The following RC3H1 variants were observed in gnomAD, a reference collection of about 807,000 sequenced individuals.
The protein encoded by RC3H1 is ring finger and CCCH-type domains 1.
RC3H1 carries 50 observed loss-of-function variants against 138.2 expected under a neutral mutation model. The observed-to-expected ratio is 0.36, with a 90% CI of 0.29 to 0.46. The LOEUF is 0.46. Among genes scored for constraint, RC3H1 ranks in the 20% least tolerant of loss-of-function variants. The pLI, the probability that RC3H1 is intolerant of heterozygous loss-of-function variation, is 1.00. For missense variants in RC3H1, 1,031 were observed against 1,388.1 expected, an observed-to-expected ratio of 0.74 and a Z score of 4.09; for synonymous variants, 462 against 489.1, an observed-to-expected ratio of 0.94 and a Z score of 0.73.
intron 1 of RC3H1, among the ~76,000 whole-genome samples, chr1:174,014,112 C>A (rs1478490656): frequency 1.3e-5 from 2 of 152,106 alleles, no homozygotes; most frequent in Non-Finnish European, 2.9e-5. Flanking sequence ...GTCAATGAAA[C>A]CATTCTGCAC....
chr1:173,987,098 C>CA (rs1661058664), intron 2 of RC3H1, among the ~76,000 whole-genome samples: 1 of 152,286 alleles, frequency 6.6e-6, no homozygotes, highest in East Asian at 1.9e-4. Context: ...ACCACCAACA[C>CA]AACTTATTAT....
chr1:173,947,269 G>T, intron 15 of RC3H1, 100 bp downstream of exon 15: 2 of 802,250 alleles, frequency 2.5e-6, no homozygotes, highest in Admixed American at 2.3e-5. Context: ...TTACTGCCTT[G>T]CAAGATTACT....
intron 2 of RC3H1, among the ~76,000 whole-genome samples, chr1:173,988,941 A>C (rs1482302182): frequency 6.6e-6 from 1 of 152,222 alleles, no homozygotes; most frequent in Non-Finnish European, 1.5e-5. Flanking sequence ...TCTACATATA[A>C]GTCTTTATCA....
At chr1:173,999,637 A>C (rs1412691527) in intron 1 of RC3H1, among the ~76,000 whole-genome samples, 6 of 152,242 alleles carry the variant, frequency 3.9e-5, no homozygotes, top group Non-Finnish European at 5.9e-5. Context: ...ATGCATCTGG[A>C]AAGACGTAGA....
At chr1:174,021,215 C>T (rs987380192) in intron 1 of RC3H1, among the ~76,000 whole-genome samples, 1 of 152,146 alleles carries the variant, frequency 6.6e-6, no homozygotes, top group African/African-American at 2.4e-5. Context: ...TAATTCAAAA[C>T]GCCTAGCTGG....
At chr1:173,973,137 C>A (rs939492794) in intron 7 of RC3H1, among the ~76,000 whole-genome samples, 4 of 152,156 alleles carry the variant, frequency 2.6e-5, no homozygotes. Context: ...ATTGCTCAGA[C>A]CAACACTGTG....
At chr1:173,958,189 T>A (rs1246120549) in intron 13 of RC3H1, among the ~76,000 whole-genome samples, 3 of 151,822 alleles carry the variant, frequency 2.0e-5, no homozygotes, top group East Asian at 1.9e-4. Context: ...AAAAAAAAAA[T>A]ACAAACTATA....
In RC3H1 at chr1:174,022,145, T is replaced by TCGCCACCGCCGCGGCAGCCGCCGC. The variant is rs1661979684; in HGVS notation, c.-224_-201dup. 1 of 395,912 alleles carries TCGCCACCGCCGCGGCAGCCGCCGC rather than the reference T, an allele frequency of 2.5e-6. No individual in the cohort carries two copies. The highest frequency in any genetic ancestry group is 3.6e-5 in the East Asian group (1 of 27,830). The allele number at this position is 395,912 out of a possible 1,614,324, so 24.5% of individuals were successfully genotyped here. A position where few individuals can be genotyped will look rare whatever the true frequency, so the allele number is the denominator to read the frequency against. Reference sequence around the variant, plus strand: ...TCTCAGCTCCGAGTCCCCGCGGCCGTCGCCACCGCCGCGGCAGCCGCCGCC... The same window carrying TCGCCACCGCCGCGGCAGCCGCCGC: ...TCTCAGCTCCGAGTCCCCGCGGCCGTCGCCACCGCCGCGGCAGCCGCCGCCGCCACCGCCGCGGCAGCCGCCGCC... On this transcript the variant is annotated 5_prime_UTR_variant, in exon 1 of 20. Transcript: ENST00000367696. The surrounding 1 kb of genome is among the most constrained non-coding windows in gnomAD (Gnocchi z 4.2).
intron 2 of RC3H1, among the ~76,000 whole-genome samples, chr1:173,990,085 A>ATTTT (rs369955533): frequency 7.1e-6 from 1 of 141,766 alleles, no homozygotes; most frequent in African/African-American, 2.6e-5. Context: ...ATAGTTTTAC[A>ATTTT]TTTTTTTTTT....
chr1:173,951,194 G>A (rs1659381098), intron 14 of RC3H1, among the ~76,000 whole-genome samples: 1 of 152,026 alleles, frequency 6.6e-6, no homozygotes, highest in Non-Finnish European at 1.5e-5. Flanking sequence ...CCGTGGTGGC[G>A]CATGCCTCTA....
chr1:173,946,464 C>T lies in RC3H1; in HGVS notation c.2961+12G>A, dbSNP rs746841467. 2.5e-6 allele frequency: 4 copies of T among 1,610,512 alleles called. No individual in the cohort carries two copies. In the South Asian group the frequency reaches 4.4e-5, roughly 18 times the overall value. ...TCAAAAATTGGAATAAAATGGCTCT[C>T]TAGGCTGGTACCTCTAGTCCACGTA... On this transcript the variant is annotated intron_variant, in intron 17 of 19. Coordinates refer to ENST00000367696, the MANE Select transcript of RC3H1 (RefSeq NM_172071.4).
Position 173,952,049 on chromosome 1 carries a change from G to A in RC3H1, c.2460C>T (p.Ser820=), listed in dbSNP as rs1291752289. 1.9e-6 allele frequency: 3 copies of A among 1,607,432 alleles called. No individual in the cohort carries two copies. In the South Asian group the frequency reaches 3.3e-5, roughly 18 times the overall value. The change falls in exon 14 of 20, where the codon TCC becomes TCT. Residue 820 remains serine, a synonymous_variant. Coordinates refer to ENST00000367696, the MANE Select transcript of RC3H1 (RefSeq NM_172071.4). ...GTTTTGCATCTTTGGTTCCAATGTAGGAGCCGATGGTGTCACATGACCAGG... is the reference window on the plus strand; with the variant it reads ...GTTTTGCATCTTTGGTTCCAATGTAAGAGCCGATGGTGTCACATGACCAGG... ...YSPWSCDTIG[S]YIGTKDAKPK...
Position 173,980,809 on chromosome 1 carries a change from C to T in RC3H1, c.969G>A (p.Lys323=). The T allele has an allele frequency of 6.2e-7, 1 of 1,611,478 alleles. No individual in the cohort carries two copies. ...AAGTAAGGAACAAAAAAGGTCCTAC[C>T]TTGTCAATAATGGACTGCATATGAG... ...HKSHMQSIID[K]LQTPASFAQS... The change falls in exon 6 of 20, where the codon AAG becomes AAA. Residue 323 remains lysine (K), a splice_region_variant and synonymous_variant. Transcript: ENST00000367696.
chr1:174,021,988 A>T (rs1661973360), intron 1 of RC3H1, 108 bp downstream of exon 1: 2 of 380,954 alleles, frequency 5.2e-6, no homozygotes, highest in South Asian at 1.4e-4. Flanking sequence ...GGAGGAGCAG[A>T]GGGCGGGCGA....
chr1:174,007,267 G>C (rs999035850), intron 1 of RC3H1, among the ~76,000 whole-genome samples: 2 of 151,964 alleles, frequency 1.3e-5, no homozygotes, highest in Non-Finnish European at 2.9e-5. Flanking sequence ...GCGGGCGCCT[G>C]TAGTCCCAGC....
rs551543101 is a variant in RC3H1, at chr1:173,978,472, T to C, written c.1102+16A>G. 7 of 1,612,680 alleles carry C rather than the reference T, an allele frequency of 4.3e-6. No homozygotes were observed. In the Admixed American group the frequency reaches 1.2e-4, roughly 27 times the overall value. On this transcript the variant is annotated intron_variant, in intron 7 of 19. Coordinates refer to ENST00000367696, the MANE Select transcript of RC3H1 (RefSeq NM_172071.4). ...AGGCACATATAAGATAGTCCATTAATTTCCCGTGGGTTTACCTGGACTAGG... is the reference window on the plus strand; with the variant it reads ...AGGCACATATAAGATAGTCCATTAACTTCCCGTGGGTTTACCTGGACTAGG...
intron 14 of RC3H1, among the ~76,000 whole-genome samples, chr1:173,949,128 TTG>T (rs1491141717): frequency 5.1e-5 from 3 of 59,302 alleles, no homozygotes; most frequent in African/African-American, 2.2e-4. Context: ...CTCTATTTTT[TTG>T]GGGGGGGGGG....
chr1:173,961,351 TCTTAA>T, intron 12 of RC3H1, 107 bp from the exon 13 acceptor site: 5 of 978,388 alleles, frequency 5.1e-6, no homozygotes, highest in Non-Finnish European at 7.4e-6. Context: ...TGTATACCCT[TCTTAA>T]CATTTGGAAA....
At chr1:173,991,186 C>T (rs938731276) in intron 2 of RC3H1, among the ~76,000 whole-genome samples, 1 of 152,136 alleles carries the variant, frequency 6.6e-6, no homozygotes, top group African/African-American at 2.4e-5. Context: ...GCCAAGATCA[C>T]ACCACTGTAC....
Sources: gnomAD v4.1 joint callset for allele counts (sites outside exome capture counted in the v4.1 genomes callset) on GRCh38, gnomAD v4.1.1 for gene constraint, Gnocchi (gnomAD v3.1) non-coding constraint, MANE v1.5 for transcripts, NCBI Gene and HGNC (gene_info 2026-07-23, HGNC 2026-07-21) for gene names.